The following EFR3A variants were observed in gnomAD, a reference collection of about 807,000 sequenced individuals.
EFR3A encodes EFR3 homolog A.
A neutral mutation model predicts 104.4 loss-of-function variants in EFR3A; 76 were observed. The ratio of observed to expected loss-of-function variants is 0.73; its 90% CI spans 0.60 to 0.88. The LOEUF (loss-of-function observed/expected upper bound fraction) is 0.88. EFR3A is among the 40% of genes least tolerant of loss of function. The pLI is 0.00. For missense variants in EFR3A, 985 were observed against 1,012.5 expected, an observed-to-expected ratio of 0.97 and a Z score of 0.37; for synonymous variants, 330 against 330.0, an observed-to-expected ratio of 1.00 and a Z score of 0.00.
intron 8 of EFR3A, among the ~76,000 whole-genome samples, chr8:131,960,805 A>C: frequency 6.6e-6 from 1 of 152,198 alleles, no homozygotes; most frequent in Non-Finnish European, 1.5e-5. Flanking sequence ...TCTTGAGGGT[A>C]ATAAGATGTG....
Position 132,011,363 on chromosome 8 carries a change from G to A in EFR3A, c.*468G>A, listed in dbSNP as rs1012314235. 11 of 985,976 alleles carry A rather than the reference G, an allele frequency of 1.1e-5. No individual in the cohort carries two copies. The highest frequency in any genetic ancestry group is 1.7e-5 in the African/African-American group (1 of 57,196). The allele number at this position is 985,976 out of a possible 1,614,324, so 61.1% of individuals were successfully genotyped here. A position where few individuals can be genotyped will look rare whatever the true frequency, so the allele number is the denominator to read the frequency against. ...TAGTCCTGGGACTGCAAAACTGTTC[G>A]GTGGCTTTTTGTCCCCATGCTTTAG... On this transcript the variant is annotated 3_prime_UTR_variant, in exon 23 of 23. Transcript: ENST00000254624.
intron 22 of EFR3A, among the ~76,000 whole-genome samples, chr8:132,008,876 A>T (rs912173719): frequency 1.4e-5 from 2 of 147,832 alleles, no homozygotes; most frequent in Non-Finnish European, 3.0e-5. Context: ...AAAAAAAAAG[A>T]AAGTGTTCAT....
chr8:131,943,342 T>C (rs980208936), intron 2 of EFR3A, among the ~76,000 whole-genome samples: 2 of 152,082 alleles, frequency 1.3e-5, no homozygotes, highest in Non-Finnish European at 2.9e-5. Context: ...CAGTTATTTA[T>C]ATATAGATTA....
At chr8:131,929,599 C>G (rs572459813) in intron 1 of EFR3A, among the ~76,000 whole-genome samples, 2 of 152,132 alleles carry the variant, frequency 1.3e-5, no homozygotes, top group Non-Finnish European at 2.9e-5. Context: ...CACCAGACTA[C>G]GAGCTACTAA....
At position 132,003,413 on chromosome 8, in the gene EFR3A, C is replaced by T. The variant is rs984914796; in HGVS notation, c.2360+128C>T. 7 of 862,442 alleles carry T rather than the reference C, an allele frequency of 8.1e-6. No individual in the cohort carries two copies. In the African/African-American group the frequency reaches 1.0e-4, roughly 12 times the overall value. The allele number at this position is 862,442 out of a possible 1,614,324, so 53.4% of individuals were successfully genotyped here. A position where few individuals can be genotyped will look rare whatever the true frequency, so the allele number is the denominator to read the frequency against. Reference sequence around the variant, plus strand: ...AGTAATGCTTTTCATTTAGGATTAACATAAGATCATATAGGTGATCCTTTG... The same window carrying T: ...AGTAATGCTTTTCATTTAGGATTAATATAAGATCATATAGGTGATCCTTTG... On this transcript the variant is annotated intron_variant, in intron 22 of 22. Coordinates refer to ENST00000254624, the MANE Select transcript of EFR3A (RefSeq NM_015137.6).
intron 8 of EFR3A, among the ~76,000 whole-genome samples, chr8:131,960,814 T>G (rs1215246978): frequency 6.6e-6 from 1 of 152,194 alleles, no homozygotes; most frequent in African/African-American, 2.4e-5. Flanking sequence ...TAATAAGATG[T>G]GATTAAGAGT....
chr8:131,931,394 C>T (rs1288152181), intron 1 of EFR3A, among the ~76,000 whole-genome samples: 2 of 152,020 alleles, frequency 1.3e-5, no homozygotes, highest in Non-Finnish European at 1.5e-5. Flanking sequence ...TAATGTTAAA[C>T]GTTTGATAGA....
In EFR3A at chr8:132,011,027, G is replaced by A. The variant is rs1822319758; in HGVS notation, c.*132G>A. On this transcript the variant is annotated 3_prime_UTR_variant, in exon 23 of 23. Coordinates refer to ENST00000254624, the MANE Select transcript of EFR3A (RefSeq NM_015137.6). ...TGATGGAACATATCTTTAACCAAAT[G>A]TTTGGCATACCATATTAGAAGTTTT... 3 of 1,302,246 alleles carry A rather than the reference G, an allele frequency of 2.3e-6. No homozygotes were observed. The highest frequency in any genetic ancestry group is 3.0e-5 in the Admixed American group (1 of 33,496). 80.7% of individuals were successfully genotyped at this position (1,302,246 alleles called of 1,614,324 possible).
At chr8:131,931,099 A>G (rs1341998734) in intron 1 of EFR3A, among the ~76,000 whole-genome samples, 1 of 152,110 alleles carries the variant, frequency 6.6e-6, no homozygotes, top group Non-Finnish European at 1.5e-5. Context: ...ATTTTTAGAA[A>G]GAAGAATTCT....
chr8:131,979,521 A>G, intron 14 of EFR3A, 100 bp downstream of exon 14: 1 of 872,408 alleles, frequency 1.1e-6, no homozygotes. Flanking sequence ...ATTAAGCCAT[A>G]GAATTTTGAA....
intron 1 of EFR3A, chr8:131,938,227 G>C: frequency 2.5e-6 from 1 of 397,846 alleles, no homozygotes; most frequent in Non-Finnish European, 4.4e-6. Flanking sequence ...GATACAACAT[G>C]AAGGACTATG....
chr8:131,976,708 A>G (rs1375436924), intron 11 of EFR3A, among the ~76,000 whole-genome samples: 1 of 152,092 alleles, frequency 6.6e-6, no homozygotes, highest in Non-Finnish European at 1.5e-5. Context: ...GAAAGATTAT[A>G]TTCATCAACT....
intron 5 of EFR3A, among the ~76,000 whole-genome samples, chr8:131,952,673 T>A (rs1483382083): frequency 6.6e-6 from 1 of 152,176 alleles, no homozygotes; most frequent in Admixed American, 6.6e-5. Context: ...CAAGACTCTT[T>A]ATGTTTTAAA....
chr8:131,944,676 C>A (rs1428339516), intron 2 of EFR3A, 69 bp from the exon 3 acceptor site: 137 of 1,418,252 alleles, frequency 9.7e-5, no homozygotes, highest in Non-Finnish European at 1.2e-4. Flanking sequence ...AATTGTAAAG[C>A]AGGCAACACT....
intron 5 of EFR3A, among the ~76,000 whole-genome samples, chr8:131,950,967 A>G (rs1189062116): frequency 6.6e-6 from 1 of 152,192 alleles, no homozygotes; most frequent in Non-Finnish European, 1.5e-5. Flanking sequence ...GGAAATATAG[A>G]AAGTAATTGG....
In EFR3A at chr8:131,984,310, C is replaced by G. The variant is rs1820769050; in HGVS notation, c.1737+10C>G. 6.5e-7 allele frequency: 1 copy of G among 1,544,450 alleles called. No homozygotes were observed. Among genetic ancestry groups the G allele is most frequent in the Non-Finnish European group, 8.7e-7 (1 of 1,147,890 alleles). On this transcript the variant is annotated intron_variant, in intron 15 of 22. Coordinates refer to ENST00000254624, the MANE Select transcript of EFR3A (RefSeq NM_015137.6). Reference sequence around the variant, plus strand: ...GGCCATTGCTTTACAGGTATGCTTTCATAACCGTTCACTGCAGAAAACATT... The same window carrying G: ...GGCCATTGCTTTACAGGTATGCTTTGATAACCGTTCACTGCAGAAAACATT...
intron 14 of EFR3A, among the ~76,000 whole-genome samples, chr8:131,979,727 C>G (rs1351248711): frequency 6.6e-6 from 1 of 152,138 alleles, no homozygotes; most frequent in South Asian, 2.1e-4. Context: ...ACTGATTCCT[C>G]TTTTAGCAGC....
At chr8:131,981,940 A>G (rs1820635829) in intron 14 of EFR3A, among the ~76,000 whole-genome samples, 1 of 152,166 alleles carries the variant, frequency 6.6e-6, no homozygotes, top group Admixed American at 6.6e-5. Context: ...ATAGTTTCTC[A>G]CCATGTGAAA....
intron 12 of EFR3A, among the ~76,000 whole-genome samples, chr8:131,978,152 C>T (rs1485676087): frequency 2.0e-5 from 3 of 152,098 alleles, no homozygotes; most frequent in Non-Finnish European, 4.4e-5. Flanking sequence ...AGATCTCCCA[C>T]CTGCAATTTA....
Sources: gnomAD v4.1 joint callset for allele counts (sites outside exome capture counted in the v4.1 genomes callset) on GRCh38, gnomAD v4.1.1 for gene constraint, MANE v1.5 for transcripts, NCBI Gene and HGNC (gene_info 2026-07-23, HGNC 2026-07-21) for gene names.